Variants in NXPH1 observed in about 807,000 individuals in gnomAD.
The protein encoded by NXPH1 is neurexophilin 1, also known as neurexophilin-1.
NXPH1 carries 5 observed loss-of-function variants against 23.7 expected under a neutral mutation model. The observed-to-expected ratio is 0.21, with a 90% CI of 0.11 to 0.44. The LOEUF (loss-of-function observed/expected upper bound fraction) is 0.44, where lower values mean the gene tolerates loss of function less well. Among genes scored for constraint, NXPH1 ranks in the 20% least tolerant of loss-of-function variants. The pLI, the probability that NXPH1 is intolerant of heterozygous loss-of-function variation, is 0.99. For missense variants in NXPH1, 324 were observed against 321.6 expected (o/e 1.01, Z -0.06); for synonymous variants, 144 against 122.2 (o/e 1.18, Z -1.18).
intron 2 of NXPH1, among the ~76,000 whole-genome samples, chr7:8,650,680 A>T (rs1292439064): frequency 6.6e-6 from 1 of 152,220 alleles, no homozygotes; most frequent in East Asian, 1.9e-4. Flanking sequence ...TTTAGTTGCC[A>T]CATGGCAACT....
At chr7:8,534,459 C>T (rs1341106060) in intron 2 of NXPH1, among the ~76,000 whole-genome samples, 1 of 152,070 alleles carries the variant, frequency 6.6e-6, no homozygotes, top group Non-Finnish European at 1.5e-5. Context: ...ATCTCCCAGC[C>T]ACGCTGATGC....
chr7:8,534,973 A>C (rs963650310), intron 2 of NXPH1, among the ~76,000 whole-genome samples: 1 of 152,158 alleles, frequency 6.6e-6, no homozygotes, highest in Non-Finnish European at 1.5e-5. Context: ...AATAGACAAA[A>C]AGAAAAAACC....
intron 2 of NXPH1, among the ~76,000 whole-genome samples, chr7:8,616,199 A>T (rs1819734037): frequency 6.6e-6 from 1 of 151,974 alleles, no homozygotes; most frequent in Non-Finnish European, 1.5e-5. Context: ...ACGTTCAACC[A>T]CACTGGCCTC....
chr7:8,636,858 A>G (rs1583208809), intron 2 of NXPH1, among the ~76,000 whole-genome samples: 1 of 150,750 alleles, frequency 6.6e-6, no homozygotes. Context: ...TTTGTATTGG[A>G]TTTCTTTAAC....
chr7:8,524,155 T>C (rs1029083082), intron 2 of NXPH1, among the ~76,000 whole-genome samples: 2 of 144,634 alleles, frequency 1.4e-5, no homozygotes, highest in African/African-American at 5.2e-5. Flanking sequence ...GGCAGGAGAA[T>C]CGCTTGAACC....
chr7:8,615,568 G>A (rs1190835078), intron 2 of NXPH1, among the ~76,000 whole-genome samples: 1 of 151,870 alleles, frequency 6.6e-6, no homozygotes, highest in Non-Finnish European at 1.5e-5. Flanking sequence ...CCATATTATT[G>A]CCTCATTTTG....
intron 2 of NXPH1, among the ~76,000 whole-genome samples, chr7:8,445,237 C>G (rs1172676422): frequency 1.3e-5 from 2 of 152,206 alleles, no homozygotes; most frequent in Non-Finnish European, 1.5e-5. Context: ...AGGACTATCT[C>G]TCTGAGATCA....
At chr7:8,633,666 AT>A (rs1200142151) in intron 2 of NXPH1, among the ~76,000 whole-genome samples, 1 of 152,206 alleles carries the variant, frequency 6.6e-6, no homozygotes, top group Non-Finnish European at 1.5e-5. Flanking sequence ...TTTGCAAAAA[AT>A]AATTGCCAAT....
rs1208779250 is a variant in NXPH1, at chr7:8,752,670, T to A, written c.*901T>A. ...TCCTAGTCTTCATTTGTATGAATGG[T>A]TTGTATTGTACATAGTTTAACCAAG... is the stretch of plus-strand genomic sequence containing the variant. On this transcript the variant is annotated 3_prime_UTR_variant, in exon 3 of 3. Coordinates refer to ENST00000405863, the MANE Select transcript of NXPH1 (RefSeq NM_152745.3). 1 of 152,498 alleles carries A rather than the reference T, an allele frequency of 6.6e-6. No homozygotes were observed. Among genetic ancestry groups the A allele is most frequent in the Non-Finnish European group, 1.5e-5 (1 of 68,022 alleles). The allele number at this position is 152,498 out of a possible 1,614,324, so 9.4% of individuals were successfully genotyped here.
intron 2 of NXPH1, among the ~76,000 whole-genome samples, chr7:8,529,142 G>A (rs1313784862): frequency 6.6e-6 from 1 of 152,214 alleles, no homozygotes; most frequent in East Asian, 1.9e-4. Context: ...TCTCTCTGAT[G>A]TTCCTCTCTG....
Position 8,478,775 on chromosome 7 carries a change from G to C in NXPH1, c.54+43008G>C, listed in dbSNP as rs192178187. Among the ~76,000 whole-genome samples the C allele has an allele frequency of 3.9e-5, 6 of 152,154 alleles. No individual in the cohort carries two copies. The East Asian group carries it at 1.2e-3, about 29-fold the overall frequency. On this transcript the variant is annotated intron_variant, in intron 2 of 2. Coordinates refer to ENST00000405863, the MANE Select transcript of NXPH1 (RefSeq NM_152745.3). ...AACCAAAAGTGATTTGTAAGTGAAAGAAAATTAGATTATTATCAGACTTTT... is the reference window on the plus strand; with the variant it reads ...AACCAAAAGTGATTTGTAAGTGAAACAAAATTAGATTATTATCAGACTTTT...
At chr7:8,750,708 G>C (rs923727924) in intron 2 of NXPH1, among the ~76,000 whole-genome samples, 6 of 152,048 alleles carry the variant, frequency 3.9e-5, no homozygotes, top group Non-Finnish European at 7.4e-5. Context: ...GTCATATTTA[G>C]TAGTTTTTCC....
At chr7:8,464,430 G>A (rs1259265441) in intron 2 of NXPH1, among the ~76,000 whole-genome samples, 1 of 152,140 alleles carries the variant, frequency 6.6e-6, no homozygotes, top group East Asian at 1.9e-4. Context: ...GACATTCAAA[G>A]CATCTTGCAA....
intron 2 of NXPH1, among the ~76,000 whole-genome samples, chr7:8,450,768 A>T (rs1287999862): frequency 6.6e-6 from 1 of 152,256 alleles, no homozygotes; most frequent in East Asian, 1.9e-4. Context: ...TGTAAATGGT[A>T]TACATGAAGG....
At chr7:8,718,695 A>G (rs1157649198) in intron 2 of NXPH1, among the ~76,000 whole-genome samples, 1 of 152,238 alleles carries the variant, frequency 6.6e-6, no homozygotes, top group Non-Finnish European at 1.5e-5. Flanking sequence ...CTACCATTAA[A>G]GAGGTATGAA....
chr7:8,592,076 G>C (rs1320502790), intron 2 of NXPH1, among the ~76,000 whole-genome samples: 2 of 151,924 alleles, frequency 1.3e-5, no homozygotes, highest in African/African-American at 4.8e-5. Flanking sequence ...ATTGTCAAAA[G>C]TTGTCATCTA....
At chr7:8,480,685 C>T (rs1020949350) in intron 2 of NXPH1, among the ~76,000 whole-genome samples, 5 of 152,132 alleles carry the variant, frequency 3.3e-5, no homozygotes, top group African/African-American at 1.2e-4. Context: ...CTTTCCAGAA[C>T]CTAGAGTTGA....
At chr7:8,726,453 T>A (rs1780055174) in intron 2 of NXPH1, among the ~76,000 whole-genome samples, 1 of 150,636 alleles carries the variant, frequency 6.6e-6, no homozygotes, top group African/African-American at 2.4e-5. Flanking sequence ...TCATCTAGCA[T>A]TAGGTATATC....
chr7:8,509,860 T>G (rs146591423), intron 2 of NXPH1, among the ~76,000 whole-genome samples: 1 of 152,142 alleles, frequency 6.6e-6, no homozygotes, highest in Non-Finnish European at 1.5e-5. Flanking sequence ...GGCAACAACA[T>G]TTTTTCATGT....
Sources: allele counts gnomAD v4.1 joint callset (sites outside exome capture counted in the v4.1 genomes callset), GRCh38; gene constraint gnomAD v4.1.1; transcripts MANE v1.5; gene names NCBI Gene and HGNC (gene_info 2026-07-23, HGNC 2026-07-21).